Variants in SMYD3 observed in about 807,000 individuals in gnomAD.
SMYD3 encodes histone-lysine N-methyltransferase SMYD3.
Under a neutral mutation model 57.7 loss-of-function variants are expected in SMYD3, and 36 were observed. The observed-to-expected ratio is 0.62, with a 90% CI of 0.48 to 0.82. The LOEUF (loss-of-function observed/expected upper bound fraction) is 0.82, where lower values mean the gene tolerates loss of function less well. Ranked by LOEUF, SMYD3 falls within the 40% of genes least tolerant of loss-of-function variation. The pLI is 0.00. For missense variants in SMYD3, 515 were observed against 538.8 expected, an observed-to-expected ratio of 0.96 and a Z score of 0.44; for synonymous variants, 211 against 195.0, an observed-to-expected ratio of 1.08 and a Z score of -0.68.
chr1:246,409,883 G>T (rs1007332252), intron 1 of SMYD3, among the ~76,000 whole-genome samples: 3 of 152,090 alleles, frequency 2.0e-5, no homozygotes, highest in Admixed American at 1.3e-4. Flanking sequence ...CCTTGAAGAG[G>T]TCCTTCACGT....
chr1:246,334,549 G>A (rs542514801), intron 3 of SMYD3, among the ~76,000 whole-genome samples: 1 of 152,066 alleles, frequency 6.6e-6, no homozygotes. Flanking sequence ...GCAGACACTG[G>A]GGAATACGAG....
At chr1:246,204,083 C>T (rs2062959833) in intron 5 of SMYD3, among the ~76,000 whole-genome samples, 1 of 152,152 alleles carries the variant, frequency 6.6e-6, no homozygotes, top group Non-Finnish European at 1.5e-5. Context: ...AGGGTATCTA[C>T]TGTGTTTTGT....
intron 1 of SMYD3, among the ~76,000 whole-genome samples, chr1:246,498,436 TAAG>T (rs2068401325): frequency 6.6e-6 from 1 of 151,872 alleles, no homozygotes; most frequent in Admixed American, 6.6e-5. Flanking sequence ...GAATGGAAAA[TAAG>T]AACACACATA....
intron 10 of SMYD3, among the ~76,000 whole-genome samples, chr1:245,777,300 T>A (rs1558326917): frequency 6.6e-6 from 1 of 152,234 alleles, no homozygotes; most frequent in Non-Finnish European, 1.5e-5. Context: ...AAGTAATTAG[T>A]AGTTCTTGTC....
intron 11 of SMYD3, among the ~76,000 whole-genome samples, chr1:245,751,952 T>G (rs559906340): frequency 6.6e-6 from 1 of 152,324 alleles, no homozygotes; most frequent in African/African-American, 2.4e-5. Context: ...GGCAGAAGAT[T>G]AAAAACAAAT....
chr1:246,061,529 G>A (rs778177711), intron 5 of SMYD3, among the ~76,000 whole-genome samples: 5 of 151,730 alleles, frequency 3.3e-5, no homozygotes, highest in Non-Finnish European at 7.4e-5. Flanking sequence ...ACCAGCCTGG[G>A]CAACACAGCA....
At chr1:246,462,574 C>T (rs1349194523) in intron 1 of SMYD3, among the ~76,000 whole-genome samples, 2 of 152,118 alleles carry the variant, frequency 1.3e-5, no homozygotes. Context: ...ATCCCTTGAC[C>T]CCGAGGCTCG....
chr1:245,979,601 C>T (rs538948624), intron 5 of SMYD3, among the ~76,000 whole-genome samples: 11 of 152,260 alleles, frequency 7.2e-5, no homozygotes, highest in African/African-American at 2.4e-4. Flanking sequence ...GGGAAAGAAA[C>T]GGAACAGTCT....
intron 10 of SMYD3, among the ~76,000 whole-genome samples, chr1:245,833,073 A>AAAAAACAAAAAAAC: frequency 7.8e-6 from 1 of 128,652 alleles, no homozygotes; most frequent in African/African-American, 3.0e-5. Context: ...AAAAAAAAAA[A>AAAAAACAAAAAAAC]AACCTGCTTT....
chr1:245,997,546 T>C (rs2058955103), intron 5 of SMYD3, among the ~76,000 whole-genome samples: 1 of 152,188 alleles, frequency 6.6e-6, no homozygotes, highest in African/African-American at 2.4e-5. Flanking sequence ...GTGGCAGGGA[T>C]TATCTCCCCT....
At chr1:246,230,251 A>G (rs1446812455) in intron 5 of SMYD3, among the ~76,000 whole-genome samples, 4 of 152,214 alleles carry the variant, frequency 2.6e-5, no homozygotes, top group Non-Finnish European at 5.9e-5. Flanking sequence ...TTAATTCTCA[A>G]ACAAATGACA....
intron 5 of SMYD3, among the ~76,000 whole-genome samples, chr1:246,151,328 C>T (rs2061938483): frequency 6.6e-6 from 1 of 151,470 alleles, no homozygotes; most frequent in Non-Finnish European, 1.5e-5. Flanking sequence ...CTTCTACAAG[C>T]AGGATAGATG....
chr1:245,954,531 C>T (rs1311721274), intron 5 of SMYD3, among the ~76,000 whole-genome samples: 1 of 152,092 alleles, frequency 6.6e-6, no homozygotes, highest in Non-Finnish European at 1.5e-5. Context: ...AAAACATTAG[C>T]CGAGCATGCT....
intron 5 of SMYD3, among the ~76,000 whole-genome samples, chr1:246,055,426 A>C (rs2060135600): frequency 6.6e-6 from 1 of 152,144 alleles, no homozygotes; most frequent in South Asian, 2.1e-4. Context: ...AGCAAGACCT[A>C]GTCTTTAAAA....
chr1:246,320,790 G>T (rs529780413), intron 5 of SMYD3, among the ~76,000 whole-genome samples: 2 of 152,130 alleles, frequency 1.3e-5, no homozygotes, highest in Admixed American at 6.5e-5. Flanking sequence ...CTGAAATTAC[G>T]TTGAGACTAT....
chr1:246,334,116 G>A (rs1223477823), intron 3 of SMYD3, among the ~76,000 whole-genome samples: 2 of 152,050 alleles, frequency 1.3e-5, no homozygotes, highest in African/African-American at 4.8e-5. Context: ...CTTATCTACT[G>A]TTAGTGGGAA....
chr1:245,845,013 G>A lies in SMYD3; in HGVS notation c.1076+13483C>T, dbSNP rs12040761. Among the ~76,000 whole-genome samples, 112 of 152,144 alleles carry A rather than the reference G, an allele frequency of 7.4e-4. 1 individual carries two copies. In the East Asian group the frequency reaches 0.011, roughly 15 times the overall value. ...TTTACTTCCAAATGAAGACTTTTCC[G>A]TGTACCCCTACTCACTTTGATGCCA... On this transcript the variant is annotated intron_variant, in intron 10 of 11. Coordinates refer to ENST00000490107, the MANE Select transcript of SMYD3 (RefSeq NM_001167740.2).
chr1:245,760,380 G>C (rs1288952697), intron 11 of SMYD3, among the ~76,000 whole-genome samples: 2 of 152,166 alleles, frequency 1.3e-5, no homozygotes, highest in Non-Finnish European at 2.9e-5. Context: ...GGTTACCCGA[G>C]TCCTGAGAAA....
intron 5 of SMYD3, among the ~76,000 whole-genome samples, chr1:246,213,109 A>C (rs1408478823): frequency 1.3e-5 from 2 of 152,218 alleles, no homozygotes; most frequent in Non-Finnish European, 2.9e-5. Context: ...AATAAAATTA[A>C]AAGAATTCTG....
Sources: allele counts gnomAD v4.1 joint callset (sites outside exome capture counted in the v4.1 genomes callset), GRCh38; gene constraint gnomAD v4.1.1; transcripts MANE v1.5; gene names NCBI Gene and HGNC (gene_info 2026-07-23, HGNC 2026-07-21).